Variants in LEF1 observed in about 807,000 individuals in gnomAD.
LEF1 encodes the protein lymphoid enhancer-binding factor 1.
LEF1 carries 14 observed loss-of-function variants against 51.2 expected under a neutral mutation model. The ratio of observed to expected loss-of-function variants is 0.27; its 90% CI spans 0.18 to 0.43. The LOEUF is 0.43. LEF1 is among the 20% of genes least tolerant of loss of function. The pLI is 1.00. For synonymous variants in LEF1, 185 were observed against 183.2 expected (o/e 1.01, Z -0.08); for missense variants, 386 against 512.0 (o/e 0.75, Z 2.37).
At chr4:108,119,292 T>G (rs1742024098) in intron 3 of LEF1, among the ~76,000 whole-genome samples, 1 of 151,694 alleles carries the variant, frequency 6.6e-6, no homozygotes, top group Non-Finnish European at 1.5e-5. Context: ...TTTTTTCCTT[T>G]CATTTAGAAT....
At chr4:108,126,576 G>A (rs1742543953) in intron 3 of LEF1, among the ~76,000 whole-genome samples, 2 of 152,140 alleles carry the variant, frequency 1.3e-5, no homozygotes, top group African/African-American at 4.8e-5. Context: ...GCCAAGGAGG[G>A]CGAATCACTT....
chr4:108,104,863 G>C (rs1741054743), intron 3 of LEF1, among the ~76,000 whole-genome samples: 1 of 152,154 alleles, frequency 6.6e-6, no homozygotes, highest in Non-Finnish European at 1.5e-5. Context: ...AGTTGGAGGT[G>C]TGCCTTTTCA....
intron 3 of LEF1, among the ~76,000 whole-genome samples, chr4:108,093,560 G>C (rs1188798975): frequency 6.6e-6 from 1 of 152,044 alleles, no homozygotes; most frequent in Non-Finnish European, 1.5e-5. Context: ...AGTTACTCCA[G>C]CTTTACGAGA....
At chr4:108,161,358 C>T (rs1388082805) in intron 3 of LEF1, among the ~76,000 whole-genome samples, 2 of 152,152 alleles carry the variant, frequency 1.3e-5, no homozygotes, top group Non-Finnish European at 2.9e-5. Context: ...TAAATACATC[C>T]TAATATTTAA....
intron 3 of LEF1, among the ~76,000 whole-genome samples, chr4:108,090,515 A>T (rs1331308672): frequency 1.3e-5 from 2 of 152,200 alleles, no homozygotes; most frequent in Non-Finnish European, 2.9e-5. Context: ...AAAAATATAA[A>T]GAAGACTTAA....
intron 9 of LEF1, among the ~76,000 whole-genome samples, chr4:108,069,974 G>A (rs912696019): frequency 2.1e-5 from 3 of 141,492 alleles, no homozygotes; most frequent in East Asian, 2.0e-4. Flanking sequence ...AAAAAAAAAC[G>A]CAAAATAACT....
chr4:108,109,160 T>G (rs1741363756), intron 3 of LEF1, among the ~76,000 whole-genome samples: 1 of 152,244 alleles, frequency 6.6e-6, no homozygotes, highest in African/African-American at 2.4e-5. Flanking sequence ...TTAGCCCCTG[T>G]GCAGAACTAA....
intron 11 of LEF1, among the ~76,000 whole-genome samples, chr4:108,061,557 T>G (rs1737693856): frequency 6.6e-6 from 1 of 152,154 alleles, no homozygotes; most frequent in Non-Finnish European, 1.5e-5. Context: ...ACACTGCCAT[T>G]CTGAGGGCTT....
At chr4:108,051,349 G>C (rs548783230) in intron 11 of LEF1, among the ~76,000 whole-genome samples, 1 of 152,314 alleles carries the variant, frequency 6.6e-6, no homozygotes, top group South Asian at 2.1e-4. Flanking sequence ...GATGTCAGGG[G>C]AGACCAAGTC....
chr4:108,091,204 G>T (rs1178175311), intron 3 of LEF1, among the ~76,000 whole-genome samples: 2 of 152,080 alleles, frequency 1.3e-5, no homozygotes, highest in African/African-American at 4.8e-5. Context: ...TGCTTAAAAT[G>T]TAAGTCCATA....
At chr4:108,056,970 T>C (rs942663557) in intron 11 of LEF1, among the ~76,000 whole-genome samples, 4 of 150,210 alleles carry the variant, frequency 2.7e-5, no homozygotes, top group Admixed American at 2.6e-4. Context: ...GGTGCAGAAG[T>C]TTTCCCAGGA....
intron 3 of LEF1, among the ~76,000 whole-genome samples, chr4:108,106,794 A>C (rs1034911525): frequency 1.3e-5 from 2 of 152,228 alleles, no homozygotes; most frequent in African/African-American, 4.8e-5. Flanking sequence ...AAAAATATGC[A>C]AGAAAAAGTG....
chr4:108,079,704 T>C, intron 6 of LEF1, 90 bp from the exon 7 acceptor site: 1 of 1,315,062 alleles, frequency 7.6e-7, no homozygotes, highest in Non-Finnish European at 1.1e-6. Context: ...TAACTGCTAC[T>C]GGCTAAGAGT....
At position 108,070,756 on chromosome 4, in the gene LEF1, G is replaced by A. The variant is rs147753559; in HGVS notation, c.1023C>T (p.Ser341=). ...CATAATATTTAGCCTGCTCTTCACG[G>A]GAGAGGGCATGCCACTAAAACAGAG... ...QILGRRWHAL[S]REEQAKYYEL... Residue 341 remains serine (S), a synonymous_variant, in exon 9 of 12, where the codon TCC becomes TCT. Transcript: ENST00000265165. 5.6e-5 allele frequency: 90 copies of A among 1,611,962 alleles called. No individual in the cohort carries two copies. The African/African-American group carries it at 1.2e-3, about 21-fold the overall frequency.
In LEF1 at chr4:108,107,087, T is replaced by C. The variant is rs76263028; in HGVS notation, c.415-17830A>G. Among the ~76,000 whole-genome samples, 556 of 152,248 alleles carry C rather than the reference T, an allele frequency of 3.7e-3. 4 individuals carry two copies. Among genetic ancestry groups the C allele is most frequent in the African/African-American group, 0.013 (522 of 41,560 alleles). ...ATGCCTCTTAAGATAAAAAGACTCATTGATCTTGCTCGAAAGGAGTGAGCC... is the reference window on the plus strand; with the variant it reads ...ATGCCTCTTAAGATAAAAAGACTCACTGATCTTGCTCGAAAGGAGTGAGCC... On this transcript the variant is annotated intron_variant, in intron 3 of 11. Transcript: ENST00000265165.
intron 4 of LEF1, 57 bp from the exon 5 acceptor site, chr4:108,083,503 A>G (rs551067269): frequency 9.3e-7 from 1 of 1,076,922 alleles, no homozygotes. Context: ...TTAACCAGAA[A>G]TGCAACTACA....
chr4:108,089,297 C>A, intron 3 of LEF1, 40 bp from the exon 4 acceptor site: 1 of 1,593,126 alleles, frequency 6.3e-7, no homozygotes, highest in Non-Finnish European at 8.6e-7. Flanking sequence ...ATATGGATGC[C>A]CAGCTCCAGT....
chr4:108,063,676 G>A lies in LEF1; in HGVS notation c.1166-13C>T, dbSNP rs908730410. On this transcript the variant is annotated splice_polypyrimidine_tract_variant and intron_variant, in intron 10 of 11. Coordinates refer to ENST00000265165, the MANE Select transcript of LEF1 (RefSeq NM_016269.5). ...CTTGGACCTGTACCTGCAGAAAATT[G>A]TGTCTTTAACAAATTTTTATTGAAG... The A allele has an allele frequency of 2.5e-6, 4 of 1,570,212 alleles. No homozygotes were observed. Among genetic ancestry groups the A allele is most frequent in the Non-Finnish European group, 3.4e-6 (4 of 1,159,728 alleles).
At chr4:108,164,893 A>C (rs1238769556) in intron 2 of LEF1, among the ~76,000 whole-genome samples, 2 of 152,226 alleles carry the variant, frequency 1.3e-5, no homozygotes, top group African/African-American at 4.8e-5. Context: ...AAGGGTCCCT[A>C]ACTCATTCAA....
Sources: gnomAD v4.1 joint callset for allele counts (sites outside exome capture counted in the v4.1 genomes callset) on GRCh38, gnomAD v4.1.1 for gene constraint, MANE v1.5 for transcripts, NCBI Gene and HGNC (gene_info 2026-07-23, HGNC 2026-07-21) for gene names.